The following EN2 variants were observed in gnomAD, a reference collection of about 807,000 sequenced individuals.
The protein encoded by EN2 is engrailed homeobox 2, also known as homeobox protein engrailed-2.
A neutral mutation model predicts 25.0 loss-of-function variants in EN2; 7 were observed. The ratio of observed to expected loss-of-function variants is 0.28; its 90% CI spans 0.16 to 0.53. EN2 has a LOEUF of 0.53. EN2 is among the 20% of genes least tolerant of loss of function. EN2 has a pLI of 0.96. For missense variants in EN2, 524 were observed against 501.8 expected, an observed-to-expected ratio of 1.04 and a Z score of -0.42; for synonymous variants, 277 against 243.3, an observed-to-expected ratio of 1.14 and a Z score of -1.29.
At chr7:155,459,925 C>A (rs890934308) in intron 1 of EN2, among the ~76,000 whole-genome samples, 5 of 152,234 alleles carry the variant, frequency 3.3e-5, no homozygotes, top group Admixed American at 2.0e-4. Flanking sequence ...AAACTAAGTC[C>A]ATGTCCTTGT....
chr7:155,459,286 C>G (rs950210586), intron 1 of EN2, among the ~76,000 whole-genome samples: 1 of 152,324 alleles, frequency 6.6e-6, no homozygotes, highest in African/African-American at 2.4e-5. Flanking sequence ...TTCTTAGGAC[C>G]GCAGAAGGGA....
Position 155,458,721 on chromosome 7 carries a change from C to T in EN2, c.344C>T (p.Ala115Val). The change falls in exon 1 of 2, where the codon GCG becomes GTG. Residue 115 changes from alanine to valine, a missense_variant. Physicochemically the swap from Ala to Val is moderately conservative, Grantham distance 64 (BLOSUM62 0). Coordinates refer to ENST00000297375, the MANE Select transcript of EN2 (RefSeq NM_001427.4). Reference sequence around the variant, plus strand: ...AGCGGTGCGGAGGGAGGCGGCGGCGCGGGCGGCTCGGAGCAGCTCTTGGGC... The same window carrying T: ...AGCGGTGCGGAGGGAGGCGGCGGCGTGGGCGGCTCGGAGCAGCTCTTGGGC... ...GASGAEGGGG[A>V]GGSEQLLGSG... 3 of 1,328,512 alleles carry T rather than the reference C, an allele frequency of 2.3e-6. No individual in the cohort carries two copies. Among genetic ancestry groups the T allele is most frequent in the Non-Finnish European group, 2.9e-6 (3 of 1,046,040 alleles). The allele number at this position is 1,328,512 out of a possible 1,614,324, so 82.3% of individuals were successfully genotyped here. A position where few individuals can be genotyped will look rare whatever the true frequency, so the allele number is the denominator to read the frequency against.
chr7:155,460,235 C>T (rs987996283), intron 1 of EN2, among the ~76,000 whole-genome samples: 5 of 152,230 alleles, frequency 3.3e-5, no homozygotes, highest in East Asian at 3.9e-4. Context: ...CAATGCCGGG[C>T]GAGGAGACTC....
intron 1 of EN2, among the ~76,000 whole-genome samples, chr7:155,462,108 G>A (rs1795703188): frequency 6.6e-6 from 1 of 152,174 alleles, no homozygotes; most frequent in Admixed American, 6.5e-5. Context: ...TTTATCTAGA[G>A]ACCCCTCATT....
chr7:155,462,414 G>A lies in EN2; in HGVS notation c.729G>A (p.Glu243=), dbSNP rs1214303816. The A allele has an allele frequency of 1.9e-6, 3 of 1,613,798 alleles. No homozygotes were observed. The highest frequency in any genetic ancestry group is 2.2e-5 in the East Asian group (1 of 44,888). Reference sequence around the variant, plus strand: ...CAAAGAAGAAGAACCCGAACAAAGAGGACAAGCGGCCGCGCACGGCCTTTA... The same window carrying A: ...CAAAGAAGAAGAACCCGAACAAAGAAGACAAGCGGCCGCGCACGGCCTTTA... The part of the protein sequence containing the change: ...RKPKKKNPNK[E]DKRPRTAFTA... The change falls in exon 2 of 2, where the codon GAG becomes GAA. Residue 243 remains glutamate, a synonymous_variant. Transcript: ENST00000297375.
rs950607071 is a variant in EN2 at position 155,458,691 on chromosome 7, G to T, written c.314G>T (p.Gly105Val). Reference sequence around the variant, plus strand: ...GGCGGCGGAGCCGGCGGCGAAGGCGGCGCGAGCGGTGCGGAGGGAGGCGGC... The same window carrying T: ...GGCGGCGGAGCCGGCGGCGAAGGCGTCGCGAGCGGTGCGGAGGGAGGCGGC... The part of the protein sequence containing the change: ...GRGGGAGGEG[G>V]ASGAEGGGGA... The change falls in exon 1 of 2, where the codon GGC (glycine) becomes GTC (valine). Residue 105 changes from glycine (G) to valine (V), a missense_variant. By Grantham distance (109) the Gly-to-Val change is moderately radical. Transcript: ENST00000297375. 4 of 1,342,360 alleles carry T rather than the reference G, an allele frequency of 3.0e-6. No homozygotes were observed. The highest frequency in any genetic ancestry group is 3.8e-6 in the Non-Finnish European group (4 of 1,054,056). 83.2% of individuals were successfully genotyped at this position (1,342,360 alleles called of 1,614,324 possible). A position where few individuals can be genotyped will look rare whatever the true frequency, so the allele number is the denominator to read the frequency against.
chr7:155,459,786 C>T (rs983725305), intron 1 of EN2, among the ~76,000 whole-genome samples: 1 of 152,266 alleles, frequency 6.6e-6, no homozygotes, highest in Non-Finnish European at 1.5e-5. Context: ...CCTCCCGGCA[C>T]CTGCCATCCC....
At chr7:155,460,875 T>C (rs1368709609) in intron 1 of EN2, among the ~76,000 whole-genome samples, 2 of 152,204 alleles carry the variant, frequency 1.3e-5, no homozygotes, top group African/African-American at 2.4e-5. Context: ...TGTGCTCTCA[T>C]GGGTGGTGAG....
Position 155,462,744 on chromosome 7 carries a change from A to G in EN2, c.*57A>G. On this transcript the variant is annotated 3_prime_UTR_variant, in exon 2 of 2. Coordinates refer to ENST00000297375, the MANE Select transcript of EN2 (RefSeq NM_001427.4). ...GCGCTAAACAATGCAATAATTTAAA[A>G]TCATAAAGGGCCAGTGTATAAAGAT... is the stretch of plus-strand genomic sequence containing the variant. 1 of 1,485,636 alleles carries G rather than the reference A, an allele frequency of 6.7e-7. No homozygotes were observed. Among genetic ancestry groups the G allele is most frequent in the Non-Finnish European group, 9.0e-7 (1 of 1,108,362 alleles). The allele number at this position is 1,485,636 out of a possible 1,614,324, so 92.0% of individuals were successfully genotyped here. A position where few individuals can be genotyped will look rare whatever the true frequency, so the allele number is the denominator to read the frequency against.
chr7:155,462,699 T>C lies in EN2; in HGVS notation c.*12T>C, dbSNP rs549356337. The stretch of plus-strand genomic sequence containing the variant: ...CGGACAGCGAGTAGGGCGGGGGGCA[T>C]GGAGGCCAGGTCTCAGTCCGCGCTA... On this transcript the variant is annotated 3_prime_UTR_variant, in exon 2 of 2. Transcript: ENST00000297375. 2.6e-6 allele frequency: 4 copies of C among 1,559,476 alleles called. No homozygotes were observed. The Admixed American group carries it at 5.8e-5, about 23-fold the overall frequency.
rs1795665196 is a variant in EN2, at chr7:155,459,069, C to A, written c.685+7C>A. 7 of 1,568,604 alleles carry A rather than the reference C, an allele frequency of 4.5e-6. No homozygotes were observed. The highest frequency in any genetic ancestry group is 6.0e-6 in the Non-Finnish European group (7 of 1,166,866). On this transcript the variant is annotated splice_region_variant and intron_variant, in intron 1 of 1. Transcript: ENST00000297375. Reference sequence around the variant, plus strand: ...TCGGACCGGCCTTCTTCAGGTGAGCCCGCGGGGACCACGCGTCCCGGCTCG... The same window carrying A: ...TCGGACCGGCCTTCTTCAGGTGAGCACGCGGGGACCACGCGTCCCGGCTCG...
intron 1 of EN2, among the ~76,000 whole-genome samples, chr7:155,461,985 T>G (rs3808332): frequency 2.6e-5 from 4 of 151,978 alleles, no homozygotes; most frequent in East Asian, 1.9e-4. Context: ...TCTCCTCCCC[T>G]CTCTCTCAGC....
At position 155,464,756 on chromosome 7, in the gene EN2, C is replaced by T. The variant is rs373820948; in HGVS notation, c.*2069C>T. 7.9e-5 allele frequency: 12 copies of T among 152,354 alleles called. No individual in the cohort carries two copies. The highest frequency in any genetic ancestry group is 3.9e-4 in the East Asian group (2 of 5,178). 9.4% of individuals were successfully genotyped at this position (152,354 alleles called of 1,614,324 possible). ...TGTGCTTATCAAAATTGTGAACACC[C>T]CCACCCCCGCATTTTTGTGTGTTGA... On this transcript the variant is annotated 3_prime_UTR_variant, in exon 2 of 2. Transcript: ENST00000297375.
chr7:155,459,199 C>T, intron 1 of EN2, 137 bp downstream of exon 1: 4 of 1,027,026 alleles, frequency 3.9e-6, no homozygotes, highest in Non-Finnish European at 5.4e-6. Flanking sequence ...ACTCACGCGA[C>T]ATTGTGTGAA....
rs1452527612 is a variant in EN2 at position 155,464,441 on chromosome 7, T to C, written c.*1754T>C. 6.5e-6 allele frequency: 1 copy of C among 152,672 alleles called. No individual in the cohort carries two copies. The highest frequency in any genetic ancestry group is 6.5e-5 in the Admixed American group (1 of 15,284). 9.5% of individuals were successfully genotyped at this position (152,672 alleles called of 1,614,324 possible). A position where few individuals can be genotyped will look rare whatever the true frequency, so the allele number is the denominator to read the frequency against. On this transcript the variant is annotated 3_prime_UTR_variant, in exon 2 of 2. Coordinates refer to ENST00000297375, the MANE Select transcript of EN2 (RefSeq NM_001427.4). ...AGGACTGAGGGTGAACTTCGCTCTTTGCCTTAAACCTCTTTATTTCATTGC... is the reference window on the plus strand; with the variant it reads ...AGGACTGAGGGTGAACTTCGCTCTTCGCCTTAAACCTCTTTATTTCATTGC...
In EN2 at chr7:155,458,389, T is replaced by C. The variant is rs892600107; in HGVS notation, c.12T>C (p.Asn4=). Residue 4 remains asparagine, a synonymous_variant, in exon 1 of 2, where the codon AAT becomes AAC. Coordinates refer to ENST00000297375, the MANE Select transcript of EN2 (RefSeq NM_001427.4). MEE[N]DPKPGEAAAA... ...TTACTGTGAACAGCATGGAGGAGAA[T>C]GACCCCAAGCCTGGCGAAGCAGCGG... is the stretch of plus-strand genomic sequence containing the variant. 3.8e-6 allele frequency: 5 copies of C among 1,311,544 alleles called. No individual in the cohort carries two copies. In the African/African-American group the frequency reaches 7.7e-5, roughly 20 times the overall value. 81.2% of individuals were successfully genotyped at this position (1,311,544 alleles called of 1,614,324 possible). A position where few individuals can be genotyped will look rare whatever the true frequency, so the allele number is the denominator to read the frequency against.
chr7:155,462,624 C>G lies in EN2; in HGVS notation c.939C>G (p.Leu313=). The G allele has an allele frequency of 1.2e-6, 2 of 1,613,128 alleles. No homozygotes were observed. Among genetic ancestry groups the G allele is most frequent in the East Asian group, 4.5e-5 (2 of 44,840 alleles). ...TGNKNTLAVH[L]MAQGLYNHST... is the part of the protein sequence containing the mutation. ...ACAAGAACACGCTGGCCGTGCACCT[C>G]ATGGCACAGGGCTTGTACAACCACT... The change falls in exon 2 of 2, where the codon CTC becomes CTG. Residue 313 remains leucine, a synonymous_variant. Transcript: ENST00000297375.
chr7:155,461,253 A>G (rs888252129), intron 1 of EN2, among the ~76,000 whole-genome samples: 4 of 152,322 alleles, frequency 2.6e-5, no homozygotes, highest in African/African-American at 7.2e-5. Flanking sequence ...CGATTCATAC[A>G]CCGCACAAAT....
chr7:155,458,159 CGTG>C lies in EN2; in HGVS notation c.-215_-213del, dbSNP rs1795646805. On this transcript the variant is annotated 5_prime_UTR_variant, in exon 1 of 2. Coordinates refer to ENST00000297375, the MANE Select transcript of EN2 (RefSeq NM_001427.4). The stretch of plus-strand genomic sequence containing the variant: ...CATCGTCTGGGCGAGCGGGGCGGCT[CGTG>C]GTGTTTCTAACCCAGTTCGTGGATT... 1 of 448,654 alleles carries C rather than the reference CGTG, an allele frequency of 2.2e-6. No homozygotes were observed. The allele number at this position is 448,654 out of a possible 1,614,324, so 27.8% of individuals were successfully genotyped here. A position where few individuals can be genotyped will look rare whatever the true frequency, so the allele number is the denominator to read the frequency against.
Sources: gnomAD v4.1 joint callset for allele counts (sites outside exome capture counted in the v4.1 genomes callset) on GRCh38, gnomAD v4.1.1 for gene constraint, MANE v1.5 for transcripts, NCBI Gene and HGNC (gene_info 2026-07-23, HGNC 2026-07-21) for gene names.